Variants in TPST2 observed in about 807,000 individuals in gnomAD.
The protein encoded by TPST2 is protein-tyrosine sulfotransferase 2.
A neutral mutation model predicts 27.8 loss-of-function variants in TPST2; 16 were observed. The observed-to-expected ratio is 0.58, with a 90% CI of 0.39 to 0.88. The LOEUF is 0.88. Ranked by LOEUF, TPST2 falls within the 40% of genes least tolerant of loss-of-function variation. The pLI, the probability that TPST2 is intolerant of heterozygous loss-of-function variation, is 0.00. For synonymous variants in TPST2, 229 were observed against 231.7 expected (o/e 0.99, Z 0.10); for missense variants, 464 against 543.1 (o/e 0.85, Z 1.45).
At chr22:26,572,372 G>A (rs1251884394) in intron 1 of TPST2, among the ~76,000 whole-genome samples, 2 of 152,128 alleles carry the variant, frequency 1.3e-5, no homozygotes, top group African/African-American at 4.8e-5. Context: ...AGCCAACCTA[G>A]GAAGGTGGAG....
intron 1 of TPST2, among the ~76,000 whole-genome samples, chr22:26,575,086 A>T (rs1199596690): frequency 6.6e-6 from 1 of 152,112 alleles, no homozygotes; most frequent in East Asian, 1.9e-4. Flanking sequence ...CAGGGGTAAG[A>T]ATCTAGGTTT....
chr22:26,569,998 A>T (rs867668299), intron 1 of TPST2, among the ~76,000 whole-genome samples: 1 of 47,344 alleles, frequency 2.1e-5, no homozygotes, highest in African/African-American at 1.1e-4. Context: ...AGAAAAAGAA[A>T]GAAAGAAAGA....
At chr22:26,568,558 T>C (rs985334983) in intron 1 of TPST2, among the ~76,000 whole-genome samples, 6 of 152,100 alleles carry the variant, frequency 3.9e-5, no homozygotes, top group Non-Finnish European at 7.4e-5. Context: ...CTGGTCATCC[T>C]CACTGCTCAT....
chr22:26,558,639 G>A (rs1158515632), intron 1 of TPST2, among the ~76,000 whole-genome samples: 1 of 152,096 alleles, frequency 6.6e-6, no homozygotes, highest in East Asian at 1.9e-4. Context: ...GCCGTCAGAT[G>A]GGGAGACAGA....
At chr22:26,580,157 T>C (rs1928039711) in intron 1 of TPST2, among the ~76,000 whole-genome samples, 1 of 151,998 alleles carries the variant, frequency 6.6e-6, no homozygotes, top group Non-Finnish European at 1.5e-5. Flanking sequence ...GGCAGGAGAA[T>C]TGCTTGAGCC....
intron 1 of TPST2, among the ~76,000 whole-genome samples, chr22:26,549,858 CCT>C (rs1926364748): frequency 2.9e-5 from 4 of 138,396 alleles, no homozygotes; most frequent in African/African-American, 1.1e-4. Flanking sequence ...GTGAAACCCC[CCT>C]CTCTACTAAA....
chr22:26,554,250 C>A (rs1388764175), intron 1 of TPST2, among the ~76,000 whole-genome samples: 3 of 152,318 alleles, frequency 2.0e-5, no homozygotes, highest in Middle Eastern at 3.4e-3. Flanking sequence ...TGCCCCAGGT[C>A]AGACAGCTGC....
intron 4 of TPST2, 40 bp downstream of exon 4, chr22:26,536,248 C>G (rs1185847712): frequency 1.2e-6 from 2 of 1,610,602 alleles, no homozygotes; most frequent in Middle Eastern, 1.7e-4. Context: ...AGCCCCATAT[C>G]CCCAAGAGTA....
chr22:26,581,707 G>A (rs1928119827), intron 1 of TPST2, among the ~76,000 whole-genome samples: 1 of 152,164 alleles, frequency 6.6e-6, no homozygotes, highest in South Asian at 2.1e-4. Context: ...AAAGAGCTAA[G>A]TACCCAGAAA....
rs1352915544 is a variant in TPST2 at position 26,541,636 on chromosome 22, G to A, written c.-6C>T. ...CTCCGCACCGACAGGCGCATGCTGG[G>A]CCGGAGGCAGGGTAGGCCTGGCCTG... is the stretch of plus-strand genomic sequence containing the variant. On this transcript the variant is annotated 5_prime_UTR_variant, in exon 3 of 7. Transcript: ENST00000338754. The surrounding 1 kb of genome is among the most constrained non-coding windows in gnomAD (Gnocchi z 5.9). The A allele has an allele frequency of 6.4e-7, 1 of 1,558,862 alleles. No individual in the cohort carries two copies. Among genetic ancestry groups the A allele is most frequent in the Non-Finnish European group, 8.6e-7 (1 of 1,158,618 alleles).
In TPST2 at chr22:26,528,243, G is replaced by A. The variant is rs1017949789; in HGVS notation, c.1112C>T (p.Ser371Phe). The A allele has an allele frequency of 2.6e-6, 4 of 1,564,660 alleles. No individual in the cohort carries two copies. The highest frequency in any genetic ancestry group is 1.9e-5 in the Admixed American group (1 of 53,090). ...AAATCACGAGCTTCCTAAGTGGGAG[G>A]AGGTGCTGTTCTGGTTCACCTGGAG... The part of the protein sequence containing the change: ...GYFQVNQNST[S>F]SHLGSS The change falls in exon 6 of 7, where the codon TCC becomes TTC. Residue 371 changes from serine to phenylalanine, a missense_variant. By Grantham distance (155) the Ser-to-Phe change is radical. Transcript: ENST00000338754.
intron 1 of TPST2, among the ~76,000 whole-genome samples, chr22:26,549,446 T>C (rs959170034): frequency 1.3e-5 from 2 of 151,864 alleles, no homozygotes; most frequent in Non-Finnish European, 2.9e-5. Flanking sequence ...ATCACGAGGT[T>C]AGGAGATCGA....
intron 1 of TPST2, among the ~76,000 whole-genome samples, chr22:26,553,168 G>A (rs1471272630): frequency 6.6e-6 from 1 of 151,668 alleles, no homozygotes; most frequent in Non-Finnish European, 1.5e-5. Context: ...GTGGAAGCCA[G>A]TTTTGGTTCT....
At chr22:26,540,588 CA>C (rs1925736547) in intron 3 of TPST2, among the ~76,000 whole-genome samples, 200 bp downstream of exon 3, 1 of 152,196 alleles carries the variant, frequency 6.6e-6, no homozygotes, top group Admixed American at 6.5e-5. Context: ...AACAAACAAA[CA>C]GCCCACGAAG....
intron 1 of TPST2, chr22:26,555,223 G>A (rs371252751): frequency 1.3e-5 from 7 of 533,326 alleles, no homozygotes; most frequent in East Asian, 5.4e-5. Flanking sequence ...TGAACTCAGC[G>A]TTCTAGTAGG....
chr22:26,535,190 G>A (rs1329567688), intron 4 of TPST2, among the ~76,000 whole-genome samples: 1 of 152,230 alleles, frequency 6.6e-6, no homozygotes, highest in African/African-American at 2.4e-5. Context: ...ACGGAACTAA[G>A]AGACGATTAA....
intron 1 of TPST2, among the ~76,000 whole-genome samples, chr22:26,558,115 T>C (rs954275976): frequency 7.4e-6 from 1 of 134,316 alleles, no homozygotes; most frequent in African/African-American, 2.9e-5. Context: ...TAAAAATATA[T>C]ATAATACACA....
At chr22:26,534,602 C>T (rs1248500684) in intron 4 of TPST2, among the ~76,000 whole-genome samples, 1 of 152,172 alleles carries the variant, frequency 6.6e-6, no homozygotes, top group Non-Finnish European at 1.5e-5. Flanking sequence ...TTAAGGAGAC[C>T]CCAGAGGAGC....
intron 1 of TPST2, among the ~76,000 whole-genome samples, chr22:26,570,115 C>T (rs1480761847): frequency 6.6e-6 from 1 of 151,930 alleles, no homozygotes; most frequent in African/African-American, 2.4e-5. Flanking sequence ...TAATTAATCA[C>T]ACTTTGTCAA....
Sources: allele counts gnomAD v4.1 joint callset (sites outside exome capture counted in the v4.1 genomes callset), GRCh38; gene constraint gnomAD v4.1.1; non-coding constraint Gnocchi (gnomAD v3.1); transcripts MANE v1.5; gene names NCBI Gene and HGNC (gene_info 2026-07-23, HGNC 2026-07-21).